Variants in UGT1A7 observed in about 807,000 individuals in gnomAD.
The protein encoded by UGT1A7 is UDP-glucuronosyltransferase 1A7.
A neutral mutation model predicts 45.6 loss-of-function variants in UGT1A7; 33 were observed. That is an observed-to-expected ratio of 0.72 (90% confidence interval 0.55 to 0.97). UGT1A7 has a LOEUF of 0.97. UGT1A7 is among the 50% of genes least tolerant of loss of function. The probability of loss-of-function intolerance (pLI) is 0.00; values close to 1 mark genes in which losing one functional copy is unlikely to be tolerated. For missense variants in UGT1A7, 684 were observed against 666.2 expected, an observed-to-expected ratio of 1.03 and a Z score of -0.29; for synonymous variants, 274 against 250.6, an observed-to-expected ratio of 1.09 and a Z score of -0.88.
At chr2:233,757,535 A>AATATATATACATATATATACATATAT (rs376887521) in intron 1 of UGT1A7, among the ~76,000 whole-genome samples, 1 of 88,312 alleles carries the variant, frequency 1.1e-5, no homozygotes, top group Non-Finnish European at 2.2e-5. Context: ...GCCTGTAAGG[A>AATATATATACATATATATACATATAT]ATATATATAT....
chr2:233,720,402 G>T (rs569897948), intron 1 of UGT1A7, among the ~76,000 whole-genome samples: 13 of 152,218 alleles, frequency 8.5e-5, no homozygotes, highest in African/African-American at 3.1e-4. Context: ...TCAAGAGTGG[G>T]TGGAAGGGAC....
At chr2:233,724,183 G>C (rs1455555189) in intron 1 of UGT1A7, among the ~76,000 whole-genome samples, 1 of 117,596 alleles carries the variant, frequency 8.5e-6, no homozygotes, top group Non-Finnish European at 1.8e-5. Context: ...TCTCCCTCCC[G>C]GACGGGGTGG....
intron 1 of UGT1A7, among the ~76,000 whole-genome samples, chr2:233,710,285 G>C (rs2076123974): frequency 6.6e-6 from 1 of 152,194 alleles, no homozygotes; most frequent in Non-Finnish European, 1.5e-5. Context: ...ATACTTAAAA[G>C]TGGGATTGTT....
chr2:233,699,626 T>C (rs2075516082), intron 1 of UGT1A7, among the ~76,000 whole-genome samples: 1 of 152,224 alleles, frequency 6.6e-6, no homozygotes, highest in African/African-American at 2.4e-5. Context: ...GAATGCAAGC[T>C]CAGGCCTAGA....
At chr2:233,758,898 T>G (rs1462729445) in intron 1 of UGT1A7, among the ~76,000 whole-genome samples, 1 of 152,186 alleles carries the variant, frequency 6.6e-6, no homozygotes, top group Non-Finnish European at 1.5e-5. Context: ...AAATACAAAT[T>G]TGAGTTGTTT....
intron 1 of UGT1A7, among the ~76,000 whole-genome samples, chr2:233,719,971 C>T (rs1172487413): frequency 6.6e-6 from 1 of 152,170 alleles, no homozygotes; most frequent in Non-Finnish European, 1.5e-5. Context: ...GCATGTCCTT[C>T]AGCTCGGCAG....
At chr2:233,711,386 T>C (rs1328064942) in intron 1 of UGT1A7, among the ~76,000 whole-genome samples, 2 of 152,206 alleles carry the variant, frequency 1.3e-5, no homozygotes, top group African/African-American at 2.4e-5. Context: ...CCCTCCCAGG[T>C]GTGTTCCACC....
intron 1 of UGT1A7, among the ~76,000 whole-genome samples, chr2:233,759,713 T>TGGTG (rs1157954887): frequency 2.6e-5 from 4 of 151,594 alleles, no homozygotes; most frequent in African/African-American, 9.7e-5. Flanking sequence ...CGTGCTCGTG[T>TGGTG]GGTGGGCTCT....
At chr2:233,768,098 G>A in intron 3 of UGT1A7, 122 bp from the exon 4 acceptor site, 1 of 1,590,736 alleles carries the variant, frequency 6.3e-7, no homozygotes, top group Non-Finnish European at 8.6e-7. Context: ...ATTTTCTTCT[G>A]CAAATTTCTG....
At chr2:233,729,071 A>G in intron 1 of UGT1A7, 1 of 1,611,650 alleles carries the variant, frequency 6.2e-7, no homozygotes, top group Non-Finnish European at 8.5e-7. Flanking sequence ...TGAAGAAAGC[A>G]AATGTAGCAG....
chr2:233,712,086 T>A (rs2076214187), intron 1 of UGT1A7, among the ~76,000 whole-genome samples: 1 of 152,220 alleles, frequency 6.6e-6, no homozygotes, highest in Admixed American at 6.5e-5. Flanking sequence ...AAGGCCTGGA[T>A]GAATGGACAC....
At position 233,754,981 on chromosome 2, in the gene UGT1A7, C is replaced by T. The variant is rs561889596; in HGVS notation, c.856-12053C>T. On this transcript the variant is annotated intron_variant, in intron 1 of 4. Transcript: ENST00000373426. The stretch of plus-strand genomic sequence containing the variant: ...CCAAAGAACTCCCTGAAGACCTCGG[C>T]GGGGTCACGGAAGCTGAAGACCTAC... 29 of 1,295,892 alleles carry T rather than the reference C, an allele frequency of 2.2e-5. No homozygotes were observed. In the African/African-American group the frequency reaches 3.3e-4, roughly 15 times the overall value. The allele number at this position is 1,295,892 out of a possible 1,614,324, so 80.3% of individuals were successfully genotyped here.
chr2:233,723,516 CTT>C lies in UGT1A7; in HGVS notation c.855+40743_855+40744del, dbSNP rs1162916866. ...TGAGCCACTGCACCTGGTCAACAATCTTTTTTTTTTTTTTTTTTTTAATTTAT... is the reference window on the plus strand; with the variant it reads ...TGAGCCACTGCACCTGGTCAACAATCTTTTTTTTTTTTTTTTTTAATTTAT... On this transcript the variant is annotated intron_variant, in intron 1 of 4. Coordinates refer to ENST00000373426, the MANE Select transcript of UGT1A7 (RefSeq NM_019077.3). Among the ~76,000 whole-genome samples, 162 of 85,388 alleles carry C rather than the reference CTT, an allele frequency of 1.9e-3. 4 individuals are homozygous for C. The highest frequency in any genetic ancestry group is 7.1e-3 in the African/African-American group (146 of 20,564). The allele number at this position is 85,388 out of a possible 152,430, so 56.0% of individuals were successfully genotyped here.
chr2:233,724,362 A>G (rs1231465010), intron 1 of UGT1A7, among the ~76,000 whole-genome samples: 2 of 144,194 alleles, frequency 1.4e-5, no homozygotes, highest in Non-Finnish European at 1.5e-5. Flanking sequence ...TCCCTCCCGG[A>G]CGGGGTGGCT....
At chr2:233,735,660 T>C (rs2078678346) in intron 1 of UGT1A7, among the ~76,000 whole-genome samples, 1 of 152,214 alleles carries the variant, frequency 6.6e-6, no homozygotes, top group South Asian at 2.1e-4. Flanking sequence ...GGTGTTTCTT[T>C]CCATGTTTAG....
At chr2:233,747,400 C>T in intron 1 of UGT1A7, 1 of 1,606,978 alleles carries the variant, frequency 6.2e-7, no homozygotes, top group East Asian at 2.2e-5. Flanking sequence ...GTCCTCACCC[C>T]AGAGGTGAAT....
At chr2:233,688,006 A>T (rs2074874016) in intron 1 of UGT1A7, among the ~76,000 whole-genome samples, 1 of 152,242 alleles carries the variant, frequency 6.6e-6, no homozygotes, top group African/African-American at 2.4e-5. Context: ...GTGCTCCCAG[A>T]TACAATCAAC....
rs151080578 is a variant in UGT1A7, at chr2:233,682,199, C to A, written c.262C>A (p.Arg88=). 1.9e-6 allele frequency: 3 copies of A among 1,614,152 alleles called. No homozygotes were observed. Among genetic ancestry groups the A allele is most frequent in the Non-Finnish European group, 2.5e-6 (3 of 1,180,026 alleles). ...STSYTLEDQD[R]EFMVFADARW... ...CTCATACACTCTGGAGGATCAGGAC[C>A]GGGAGTTCATGGTTTTTGCCGATGC... The change falls in exon 1 of 5, where the codon CGG becomes AGG. Residue 88 remains arginine, a synonymous_variant. Coordinates refer to ENST00000373426, the MANE Select transcript of UGT1A7 (RefSeq NM_019077.3).
At chr2:233,725,041 G>A (rs1430842810) in intron 1 of UGT1A7, among the ~76,000 whole-genome samples, 13 of 148,226 alleles carry the variant, frequency 8.8e-5, no homozygotes, top group African/African-American at 3.3e-4. Flanking sequence ...ACCAAAACCA[G>A]TCAGGCGTGG....
Sources: gnomAD v4.1 joint callset for allele counts (sites outside exome capture counted in the v4.1 genomes callset) on GRCh38, gnomAD v4.1.1 for gene constraint, MANE v1.5 for transcripts, NCBI Gene and HGNC (gene_info 2026-07-23, HGNC 2026-07-21) for gene names.